Variants in LARGE1 observed in about 807,000 individuals in gnomAD.
The protein encoded by LARGE1 is xylosyl- and glucuronyltransferase LARGE1.
A neutral mutation model predicts 87.6 loss-of-function variants in LARGE1; 43 were observed. The observed-to-expected ratio is 0.49, with a 90% confidence interval of 0.38 to 0.63. LARGE1 has a LOEUF of 0.63. Among genes scored for constraint, LARGE1 ranks in the 30% least tolerant of loss-of-function variants. The probability of loss-of-function intolerance (pLI) is 0.00; values close to 1 mark genes in which losing one functional copy is unlikely to be tolerated. For missense variants in LARGE1, 802 were observed against 1,000.2 expected (o/e 0.80, Z 2.67); for synonymous variants, 434 against 394.6 (o/e 1.10, Z -1.18).
upstream of LARGE1, among the ~76,000 whole-genome samples, chr22:33,921,169 C>T (rs917368009): frequency 6.6e-6 from 1 of 151,890 alleles, no homozygotes; most frequent in African/African-American, 2.4e-5. The surrounding 1 kb of genome is among the most constrained non-coding windows in gnomAD (Gnocchi z 4.1). Context: ...CGAGAGTTCG[C>T]CCCCGCACAG....
chr22:33,622,028 G>C (rs2079769880), intron 4 of LARGE1, among the ~76,000 whole-genome samples: 1 of 152,170 alleles, frequency 6.6e-6, no homozygotes, highest in Non-Finnish European at 1.5e-5. Flanking sequence ...ACAGGGAATT[G>C]AGGCCCTGAG....
intron 1 of LARGE1, among the ~76,000 whole-genome samples, chr22:33,890,197 A>C (rs1332446497): frequency 2.0e-5 from 3 of 152,222 alleles, no homozygotes; most frequent in African/African-American, 7.2e-5. Context: ...TGGTGTTCAA[A>C]TCCTAGTTTC....
intron 5 of LARGE1, among the ~76,000 whole-genome samples, chr22:33,588,510 CGTGTGTGT>C (rs10528247): frequency 1.1e-4 from 16 of 150,670 alleles, no homozygotes; most frequent in South Asian, 4.2e-4. Context: ...TATATGTGTG[CGTGTGTGT>C]GTGTGTGTGT....
At chr22:33,281,806 T>C (rs1382760640) in intron 13 of LARGE1, among the ~76,000 whole-genome samples, 1 of 152,154 alleles carries the variant, frequency 6.6e-6, no homozygotes, top group Non-Finnish European at 1.5e-5. Context: ...CTGTATAAAA[T>C]GTGAAAAATG....
At position 33,538,694 on chromosome 22, in the gene LARGE1, C is replaced by A. The variant is rs950953304; in HGVS notation, c.787+26154G>T. Reference sequence around the variant, plus strand: ...GCTCCCCCCACCACGTGGCAGCCACCATGCTTGGCACGGCCACACAAAGTA... The same window carrying A: ...GCTCCCCCCACCACGTGGCAGCCACAATGCTTGGCACGGCCACACAAAGTA... On this transcript the variant is annotated intron_variant, in intron 6 of 14. Coordinates refer to ENST00000397394, the MANE Select transcript of LARGE1 (RefSeq NM_133642.5). Among the ~76,000 whole-genome samples, 5 of 152,106 alleles carry A rather than the reference C, an allele frequency of 3.3e-5. No individual in the cohort carries two copies. In the East Asian group the frequency reaches 9.6e-4, roughly 29 times the overall value.
chr22:33,432,157 T>G lies in LARGE1; in HGVS notation c.892+4A>C, dbSNP rs1205016502. 1.2e-6 allele frequency: 2 copies of G among 1,610,888 alleles called. No homozygotes were observed. Among genetic ancestry groups the G allele is most frequent in the Admixed American group, 3.3e-5 (2 of 59,996 alleles). ...ACTCTTCCCATACCACCCTGAGGAT[T>G]TACCTGTGTTGTAGCCTCTTCCAAG... is the stretch of plus-strand genomic sequence containing the variant. On this transcript the variant is annotated splice_donor_region_variant and intron_variant, in intron 7 of 14. Coordinates refer to ENST00000397394, the MANE Select transcript of LARGE1 (RefSeq NM_133642.5).
intron 6 of LARGE1, among the ~76,000 whole-genome samples, chr22:33,457,271 G>A (rs983662168): frequency 1.2e-4 from 18 of 148,446 alleles, no homozygotes; most frequent in African/African-American, 4.3e-4. Flanking sequence ...GGGCTTACAG[G>A]TGCCTGCCAC....
In LARGE1 at chr22:33,385,225, T is replaced by G. The variant is rs1034146550; in HGVS notation, c.893-921A>C. Among the ~76,000 whole-genome samples, 3 of 148,584 alleles carry G rather than the reference T, an allele frequency of 2.0e-5. 1 individual carries two copies. The highest frequency in any genetic ancestry group is 1.3e-4 in the Admixed American group (2 of 14,922). On this transcript the variant is annotated intron_variant, in intron 7 of 14. Transcript: ENST00000397394. ...AGGGAAACTCCCCTTGTCTATATCC[T>G]TTTGTGTTTTTTAAAACGCTAAAAC...
intron 11 of LARGE1, among the ~76,000 whole-genome samples, chr22:33,227,711 TA>T (rs1925807493): frequency 6.6e-6 from 1 of 152,188 alleles, no homozygotes; most frequent in Admixed American, 6.5e-5. Context: ...TTAGAAGAAA[TA>T]AAGCTGGATC....
At chr22:33,835,388 T>C (rs561734130) in intron 1 of LARGE1, among the ~76,000 whole-genome samples, 74 of 152,350 alleles carry the variant, frequency 4.9e-4, no homozygotes, top group Non-Finnish European at 1.0e-3. Flanking sequence ...CTGCCTGCAA[T>C]AGAGGCTGCA....
chr22:33,434,466 A>C (rs1040609123), intron 6 of LARGE1, among the ~76,000 whole-genome samples: 2 of 151,980 alleles, frequency 1.3e-5, no homozygotes, highest in Non-Finnish European at 1.5e-5. Flanking sequence ...ACACCCAGTT[A>C]ATTTTGTGTA....
At chr22:33,112,899 C>T in the LARGE1 span, among the ~76,000 whole-genome samples, 1 of 152,128 alleles carries the variant, frequency 6.6e-6, no homozygotes, top group Middle Eastern at 3.2e-3. Flanking sequence ...TCTTCTCTGC[C>T]AGGAAAATCA....
intron 2 of LARGE1, among the ~76,000 whole-genome samples, chr22:33,742,927 T>C (rs1446178557): frequency 1.3e-5 from 2 of 152,048 alleles, no homozygotes; most frequent in African/African-American, 4.8e-5. Flanking sequence ...AAATCTAATC[T>C]CCAATGTTAG....
At chr22:33,362,678 C>A (rs1457259520) in intron 9 of LARGE1, among the ~76,000 whole-genome samples, 1 of 149,968 alleles carries the variant, frequency 6.7e-6, no homozygotes, top group East Asian at 1.9e-4. Context: ...AATTGGAAAT[C>A]TAATTAAATA....
chr22:33,827,489 C>G (rs1268454803), intron 1 of LARGE1, among the ~76,000 whole-genome samples: 1 of 152,110 alleles, frequency 6.6e-6, no homozygotes, highest in Non-Finnish European at 1.5e-5. Flanking sequence ...CACATCTTTA[C>G]AAAGGGATAT....
At chr22:33,890,377 T>C (rs1025086908) in intron 1 of LARGE1, among the ~76,000 whole-genome samples, 1 of 152,104 alleles carries the variant, frequency 6.6e-6, no homozygotes, top group Non-Finnish European at 1.5e-5. Flanking sequence ...GGCACAGTAG[T>C]TGGTGCTTAA....
At chr22:33,576,897 A>G (rs1382460984) in intron 5 of LARGE1, among the ~76,000 whole-genome samples, 1 of 152,200 alleles carries the variant, frequency 6.6e-6, no homozygotes, top group Non-Finnish European at 1.5e-5. Flanking sequence ...ATAAATATCC[A>G]TAAATGTTCA....
intron 2 of LARGE1, among the ~76,000 whole-genome samples, chr22:33,696,570 G>C (rs114491380): frequency 0.02 from 3,107 of 152,222 alleles, 101 homozygotes; most frequent in African/African-American, 0.07. Context: ...TAGGAAATCA[G>C]CAGACCTTTC....
intron 11 of LARGE1, among the ~76,000 whole-genome samples, chr22:33,234,239 C>G (rs1235736595): frequency 6.6e-6 from 1 of 152,238 alleles, no homozygotes; most frequent in East Asian, 1.9e-4. Flanking sequence ...ATATTAAACA[C>G]TGACTGTCAA....
Sources: allele counts gnomAD v4.1 joint callset (sites outside exome capture counted in the v4.1 genomes callset), GRCh38; gene constraint gnomAD v4.1.1; non-coding constraint Gnocchi (gnomAD v3.1); transcripts MANE v1.5; gene names NCBI Gene and HGNC (gene_info 2026-07-23, HGNC 2026-07-21).